BIRC6: variants seen among roughly 807,000 people sequenced by gnomAD.
BIRC6 encodes baculoviral IAP repeat containing 6, also known as dual E2 ubiquitin-conjugating enzyme/E3 ubiquitin-protein ligase BIRC6.
BIRC6 carries 98 observed loss-of-function variants against 503.3 expected under a neutral mutation model. The ratio of observed to expected loss-of-function variants is 0.19; its 90% CI spans 0.17 to 0.23. BIRC6 has a LOEUF of 0.23. Ranked by LOEUF, BIRC6 falls within the 10% of genes least tolerant of loss-of-function variation. BIRC6 has a pLI of 1.00. For missense variants in BIRC6, 5,360 were observed against 5,806.0 expected (o/e 0.92, Z 2.50); for synonymous variants, 2,240 against 2,078.7 (o/e 1.08, Z -2.11).
chr2:32,479,449 C>T lies in BIRC6; in HGVS notation c.7253-13C>T, dbSNP rs2050135950. On this transcript the variant is annotated splice_polypyrimidine_tract_variant and intron_variant, in intron 36 of 73. Coordinates refer to ENST00000421745, the MANE Select transcript of BIRC6 (RefSeq NM_016252.4). ...TATAAATTATTAAAACAGGACTATC[C>T]CCTTACATACAGGAGAATTACTGGC... The T allele has an allele frequency of 6.3e-7, 1 of 1,586,226 alleles. No individual in the cohort carries two copies. The highest frequency in any genetic ancestry group is 1.1e-5 in the South Asian group (1 of 87,096).
intron 10 of BIRC6, among the ~76,000 whole-genome samples, chr2:32,424,329 T>C (rs180796388): frequency 1.4e-4 from 21 of 152,224 alleles, no homozygotes; most frequent in Admixed American, 5.2e-4. Flanking sequence ...CTGCGAGGTC[T>C]TGGAACTGTG....
intron 5 of BIRC6, among the ~76,000 whole-genome samples, chr2:32,394,149 G>T (rs2039579685): frequency 6.7e-6 from 1 of 150,032 alleles, no homozygotes; most frequent in Non-Finnish European, 1.5e-5. Context: ...GTTAAGTGAT[G>T]CCTTGATTTT....
chr2:32,401,341 A>G lies in BIRC6; in HGVS notation c.1213A>G (p.Lys405Glu). ...CCCTCATTTTCTAGCTGCTGCAACT[A>G]AACGAGGAAAGATCTGCATATGGGA... ...SCPHFLAAATKRGKICIWDVS... is the reference protein window; with the variant it reads ...SCPHFLAAATERGKICIWDVS... Residue 405 changes from lysine (K) to glutamate (E), a missense_variant, in exon 7 of 74, where the codon AAA becomes GAA. By Grantham distance (56) the Lys-to-Glu change is moderately conservative. This residue lies in a region of BIRC6 where 92 missense variants were observed against 176.7 expected (regional missense o/e 0.52). Coordinates refer to ENST00000421745, the MANE Select transcript of BIRC6 (RefSeq NM_016252.4). 3 of 1,614,036 alleles carry G rather than the reference A, an allele frequency of 1.9e-6. No individual in the cohort carries two copies. The highest frequency in any genetic ancestry group is 2.5e-6 in the Non-Finnish European group (3 of 1,179,898).
intron 4 of BIRC6, among the ~76,000 whole-genome samples, chr2:32,389,833 A>G (rs2038979966): frequency 6.6e-6 from 1 of 151,854 alleles, no homozygotes; most frequent in Non-Finnish European, 1.5e-5. Context: ...AGTAGCTGGA[A>G]TTATAACCGT....
intron 19 of BIRC6, 44 bp from the exon 20 acceptor site, chr2:32,443,447 C>T (rs768107471): frequency 7.3e-7 from 1 of 1,371,808 alleles, no homozygotes; most frequent in Non-Finnish European, 1.0e-6. Context: ...GAATTTAGAC[C>T]TTGAGTAATG....
chr2:32,488,475 A>G, intron 41 of BIRC6, 113 bp from the exon 42 acceptor site: 1 of 865,898 alleles, frequency 1.2e-6, no homozygotes, highest in Non-Finnish European at 1.7e-6. Context: ...GAAGTGTTTA[A>G]TAGAAAAGGT....
At chr2:32,560,405 T>G (rs1390645728) in intron 65 of BIRC6, among the ~76,000 whole-genome samples, 1 of 152,184 alleles carries the variant, frequency 6.6e-6, no homozygotes, top group Non-Finnish European at 1.5e-5. Flanking sequence ...GAAGAGAATA[T>G]CTTCTTCTAT....
chr2:32,357,572 G>T lies in BIRC6; in HGVS notation c.325+86G>T, dbSNP rs1161361863. ...GCTCGGCCTCGCGACTCGGGGAAGC[G>T]AGATGGCGAGAGGGCAGGGCTGGGG... On this transcript the variant is annotated intron_variant, in intron 1 of 73. Coordinates refer to ENST00000421745, the MANE Select transcript of BIRC6 (RefSeq NM_016252.4). The surrounding 1 kb of genome is among the most constrained non-coding windows in gnomAD (Gnocchi z 4.9). The T allele has an allele frequency of 2.7e-6, 4 of 1,499,344 alleles. No individual in the cohort carries two copies. The Admixed American group carries it at 7.2e-5, about 27-fold the overall frequency. 92.9% of individuals were successfully genotyped at this position (1,499,344 alleles called of 1,614,324 possible). A position where few individuals can be genotyped will look rare whatever the true frequency, so the allele number is the denominator to read the frequency against.
intron 32 of BIRC6, among the ~76,000 whole-genome samples, chr2:32,472,814 C>T (rs545944075): frequency 4.3e-4 from 66 of 152,074 alleles, no homozygotes; most frequent in Non-Finnish European, 7.6e-4. Flanking sequence ...ATGACATCAT[C>T]AAAGTTGTAT....
chr2:32,423,149 C>CT (rs2043118578), intron 10 of BIRC6, among the ~76,000 whole-genome samples: 2 of 152,202 alleles, frequency 1.3e-5, no homozygotes, highest in Non-Finnish European at 1.5e-5. Flanking sequence ...AGGCTGGTCT[C>CT]TAACTCCTGA....
chr2:32,552,209 A>T (rs2058473169), intron 65 of BIRC6, among the ~76,000 whole-genome samples: 2 of 152,294 alleles, frequency 1.3e-5, no homozygotes, highest in South Asian at 4.1e-4. Context: ...TTTTTTGGCT[A>T]CAGGTATACG....
intron 1 of BIRC6, among the ~76,000 whole-genome samples, chr2:32,374,390 C>T (rs1484298579): frequency 2.0e-5 from 3 of 152,062 alleles, no homozygotes; most frequent in Non-Finnish European, 2.9e-5. Context: ...CCTTGAACTC[C>T]TGGGCTCAAG....
intron 68 of BIRC6, among the ~76,000 whole-genome samples, chr2:32,596,552 G>A (rs965107340): frequency 6.6e-6 from 1 of 151,648 alleles, no homozygotes; most frequent in Non-Finnish European, 1.5e-5. Context: ...CATAGTGCCT[G>A]TTATGACCTT....
rs190383218 is a variant in BIRC6 at position 32,405,141 on chromosome 2, G to A, written c.1419-1358G>A. Among the ~76,000 whole-genome samples, 1,432 of 152,040 alleles carry A rather than the reference G, an allele frequency of 9.4e-3. 14 individuals are homozygous for A. The highest frequency in any genetic ancestry group is 0.015 in the Non-Finnish European group (1,031 of 68,008). Reference sequence around the variant, plus strand: ...ACTTGGTTATTTATTTTTCTTTAATGGGCAGCCATTCTATACTTAAAACCT... The same window carrying A: ...ACTTGGTTATTTATTTTTCTTTAATAGGCAGCCATTCTATACTTAAAACCT... On this transcript the variant is annotated intron_variant, in intron 8 of 73. Coordinates refer to ENST00000421745, the MANE Select transcript of BIRC6 (RefSeq NM_016252.4).
chr2:32,475,174 A>G, intron 33 of BIRC6, among the ~76,000 whole-genome samples: 1 of 151,778 alleles, frequency 6.6e-6, no homozygotes, highest in East Asian at 1.9e-4. Context: ...AAAAAAAAAA[A>G]AAAAAAGTGT....
intron 61 of BIRC6, among the ~76,000 whole-genome samples, chr2:32,535,150 CAAAAAAAAAA>C (rs1158856665): frequency 1.4e-4 from 1 of 7,276 alleles, no homozygotes; most frequent in African/African-American, 4.3e-4. Context: ...CCCAAAAAAG[CAAAAAAAAAA>C]AAAAAAAAAA....
chr2:32,438,269 A>G (rs920263354), intron 15 of BIRC6, among the ~76,000 whole-genome samples: 2 of 152,220 alleles, frequency 1.3e-5, no homozygotes, highest in Non-Finnish European at 2.9e-5. Flanking sequence ...ACATTGGCCA[A>G]AGAAATTTTG....
At chr2:32,555,923 A>G (rs2058743282) in intron 65 of BIRC6, among the ~76,000 whole-genome samples, 1 of 151,944 alleles carries the variant, frequency 6.6e-6, no homozygotes, top group Non-Finnish European at 1.5e-5. Flanking sequence ...TCAAAAAAAA[A>G]AAAAAAAAAA....
At chr2:32,459,087 A>T (rs969630374) in intron 23 of BIRC6, among the ~76,000 whole-genome samples, 1 of 151,438 alleles carries the variant, frequency 6.6e-6, no homozygotes, top group Non-Finnish European at 1.5e-5. Context: ...TGATTTTCTA[A>T]TTTTTTTTTA....
Sources: gnomAD v4.1 joint callset for allele counts (sites outside exome capture counted in the v4.1 genomes callset) on GRCh38, gnomAD v4.1.1 for gene constraint, gnomAD v4.1.1 regional missense constraint, Gnocchi (gnomAD v3.1) non-coding constraint, MANE v1.5 for transcripts, NCBI Gene and HGNC (gene_info 2026-07-23, HGNC 2026-07-21) for gene names.